Variants in LCLAT1 observed in about 807,000 individuals in gnomAD.
LCLAT1 encodes lysocardiolipin acyltransferase 1.
A neutral mutation model predicts 30.7 loss-of-function variants in LCLAT1; 11 were observed. The observed-to-expected ratio is 0.36, with a 90% CI of 0.23 to 0.59. The LOEUF (loss-of-function observed/expected upper bound fraction) is 0.59, where lower values mean the gene tolerates loss of function less well. LCLAT1 is among the 20% of genes least tolerant of loss of function. LCLAT1 has a pLI of 0.77. For missense variants in LCLAT1, 402 were observed against 458.6 expected (o/e 0.88, Z 1.13); for synonymous variants, 155 against 151.3 (o/e 1.02, Z -0.18).
chr2:30,584,946 CAAAAAA>C (rs33956361), intron 5 of LCLAT1, among the ~76,000 whole-genome samples: 2 of 107,278 alleles, frequency 1.9e-5, no homozygotes, highest in Non-Finnish European at 3.8e-5. Flanking sequence ...TACTATATTT[CAAAAAA>C]AAAAAAAAAA....
intron 3 of LCLAT1, among the ~76,000 whole-genome samples, chr2:30,554,677 A>T (rs1374264534): frequency 6.6e-6 from 1 of 152,228 alleles, no homozygotes; most frequent in Non-Finnish European, 1.5e-5. Flanking sequence ...CCTTTTTATT[A>T]TAATTACACA....
chr2:30,530,383 TTGAC>T (rs1685925077), intron 2 of LCLAT1, among the ~76,000 whole-genome samples: 1 of 152,224 alleles, frequency 6.6e-6, no homozygotes, highest in Non-Finnish European at 1.5e-5. Context: ...GTAAATAAGG[TTGAC>T]TGGATATGTC....
chr2:30,482,715 C>T (rs377464685), intron 1 of LCLAT1, among the ~76,000 whole-genome samples: 2 of 151,514 alleles, frequency 1.3e-5, no homozygotes, highest in East Asian at 1.9e-4. Context: ...GCAGGAGTAT[C>T]GCTTGAGGCT....
chr2:30,488,462 A>G (rs992670524), intron 1 of LCLAT1, among the ~76,000 whole-genome samples: 2 of 152,234 alleles, frequency 1.3e-5, no homozygotes, highest in African/African-American at 2.4e-5. Context: ...ATCCCTCACC[A>G]ACATGGCAAT....
rs184431569 is a variant in LCLAT1, at chr2:30,521,134, A to G, written c.-4-4453A>G. 7.9e-5 allele frequency among the ~76,000 whole-genome samples: 12 copies of G among 152,288 alleles called. No individual in the cohort carries two copies. In the East Asian group the frequency reaches 1.7e-3, roughly 22 times the overall value. ...GACCTTTGGTGGTCCTCACTGCTAC[A>G]CTTCCACCAGCACCATGACAGTTTA... On this transcript the variant is annotated intron_variant, in intron 1 of 5. Coordinates refer to ENST00000379509, the MANE Select transcript of LCLAT1 (RefSeq NM_001002257.3).
intron 1 of LCLAT1, among the ~76,000 whole-genome samples, chr2:30,522,943 A>G (rs1489588397): frequency 1.5e-4 from 23 of 152,146 alleles, no homozygotes; most frequent in Admixed American, 1.5e-3. Flanking sequence ...TCACTGCATA[A>G]TGAAAATATT....
chr2:30,508,149 A>T (rs1266644944), intron 1 of LCLAT1, among the ~76,000 whole-genome samples: 1 of 151,408 alleles, frequency 6.6e-6, no homozygotes, highest in Non-Finnish European at 1.5e-5. Flanking sequence ...TTTCTCTTGT[A>T]AGTTTAAGTT....
intron 5 of LCLAT1, among the ~76,000 whole-genome samples, chr2:30,605,378 TA>T (rs921940974): frequency 1.4e-4 from 22 of 152,222 alleles, no homozygotes; most frequent in Non-Finnish European, 2.5e-4. Flanking sequence ...TCTGCTTCAT[TA>T]AAATGTTAAT....
Position 30,595,731 on chromosome 2 carries a change from A to G in LCLAT1, c.628+27555A>G, listed in dbSNP as rs983324949. ...GCCATGGTGGTTTGCTGCACCTATC[A>G]ACCCATCACCTAAGTATTAAGCCCA... is the stretch of plus-strand genomic sequence containing the variant. On this transcript the variant is annotated intron_variant, in intron 5 of 5. Coordinates refer to ENST00000379509, the MANE Select transcript of LCLAT1 (RefSeq NM_001002257.3). Among the ~76,000 whole-genome samples the G allele has an allele frequency of 4.6e-5, 7 of 152,120 alleles. 1 individual carries two copies. The highest frequency in any genetic ancestry group is 3.9e-4 in the Admixed American group (6 of 15,260).
At chr2:30,563,349 A>G (rs1239740640) in intron 4 of LCLAT1, among the ~76,000 whole-genome samples, 3 of 152,232 alleles carry the variant, frequency 2.0e-5, no homozygotes, top group East Asian at 1.9e-4. Context: ...GAAGCCTTCT[A>G]TCAAGGATGT....
intron 1 of LCLAT1, among the ~76,000 whole-genome samples, chr2:30,492,311 G>T (rs959437764): frequency 2.0e-5 from 3 of 152,212 alleles, no homozygotes; most frequent in African/African-American, 7.2e-5. Context: ...TAGGGTTACT[G>T]TAGGAGGAGA....
At chr2:30,585,676 A>G (rs1248815995) in intron 5 of LCLAT1, among the ~76,000 whole-genome samples, 1 of 152,016 alleles carries the variant, frequency 6.6e-6, no homozygotes, top group African/African-American at 2.4e-5. Flanking sequence ...TTCTGTGTTC[A>G]TGCTTTTCTC....
chr2:30,564,692 A>G (rs1171885930), intron 4 of LCLAT1, among the ~76,000 whole-genome samples: 1 of 152,202 alleles, frequency 6.6e-6, no homozygotes, highest in Non-Finnish European at 1.5e-5. Flanking sequence ...GGCTAACAAA[A>G]TATCTCCAGT....
chr2:30,578,792 C>A (rs549135348), intron 5 of LCLAT1, among the ~76,000 whole-genome samples: 9 of 152,246 alleles, frequency 5.9e-5, no homozygotes, highest in African/African-American at 2.2e-4. Context: ...AATCTGTAAT[C>A]CATAGTGCCT....
chr2:30,623,945 G>T (rs1668388984), intron 5 of LCLAT1, among the ~76,000 whole-genome samples: 1 of 152,170 alleles, frequency 6.6e-6, no homozygotes, highest in Non-Finnish European at 1.5e-5. Flanking sequence ...AGCTAAAAGG[G>T]ATTAGGGTCC....
intron 5 of LCLAT1, among the ~76,000 whole-genome samples, chr2:30,596,336 G>A (rs1004585976): frequency 1.3e-5 from 2 of 151,990 alleles, no homozygotes; most frequent in African/African-American, 4.8e-5. Context: ...TTGCCATTTG[G>A]ACTGGTGTGA....
At chr2:30,627,262 G>T (rs181697323) in intron 5 of LCLAT1, among the ~76,000 whole-genome samples, 1 of 152,248 alleles carries the variant, frequency 6.6e-6, no homozygotes, top group East Asian at 1.9e-4. Flanking sequence ...TTCCCCATTG[G>T]TCGAGTACTC....
chr2:30,580,467 G>C (rs1666166893), intron 5 of LCLAT1, among the ~76,000 whole-genome samples: 1 of 152,146 alleles, frequency 6.6e-6, no homozygotes, highest in Admixed American at 6.6e-5. Context: ...AGTTTCACAG[G>C]AACGAGGCAA....
chr2:30,506,806 A>T (rs1009325741), intron 1 of LCLAT1, among the ~76,000 whole-genome samples: 5 of 152,196 alleles, frequency 3.3e-5, no homozygotes, highest in African/African-American at 1.2e-4. Context: ...AGACATGTTC[A>T]TCAGAATGAG....
Sources: allele counts gnomAD v4.1 joint callset (sites outside exome capture counted in the v4.1 genomes callset), GRCh38; gene constraint gnomAD v4.1.1; transcripts MANE v1.5; gene names NCBI Gene and HGNC (gene_info 2026-07-23, HGNC 2026-07-21).